RASGRF1: variants seen among roughly 807,000 people sequenced by gnomAD.
RASGRF1 encodes the protein Ras protein specific guanine nucleotide releasing factor 1.
Under a neutral mutation model 138.7 loss-of-function variants are expected in RASGRF1, and 40 were observed. That is an observed-to-expected ratio of 0.29 (90% CI 0.22 to 0.38). RASGRF1 has a LOEUF of 0.38. Ranked by LOEUF, RASGRF1 falls within the 10% of genes least tolerant of loss-of-function variation. RASGRF1 has a pLI of 1.00. For synonymous variants in RASGRF1, 614 were observed against 663.2 expected (o/e 0.93, Z 1.14); for missense variants, 1,108 against 1,650.4 (o/e 0.67, Z 5.69).
intron 1 of RASGRF1, among the ~76,000 whole-genome samples, chr15:79,077,244 C>T (rs1052101275): frequency 3.3e-5 from 5 of 152,118 alleles, no homozygotes; most frequent in Admixed American, 3.3e-4. Context: ...GTCATCAGAC[C>T]TGGGTTCAAA....
chr15:78,964,417 C>T (rs1005493059), intron 26 of RASGRF1, among the ~76,000 whole-genome samples: 13 of 152,156 alleles, frequency 8.5e-5, no homozygotes, highest in South Asian at 2.1e-4. Context: ...TCAGGTGATC[C>T]GCCTGCCTCG....
chr15:78,972,303 C>T (rs559043890), intron 25 of RASGRF1, among the ~76,000 whole-genome samples: 130 of 152,108 alleles, frequency 8.5e-4, no homozygotes, highest in Non-Finnish European at 1.9e-4. Flanking sequence ...ACCATGTTGA[C>T]CAGGCTGGTC....
At chr15:78,963,881 C>T (rs1211903821) in intron 26 of RASGRF1, among the ~76,000 whole-genome samples, 1 of 152,106 alleles carries the variant, frequency 6.6e-6, no homozygotes, top group African/African-American at 2.4e-5. Flanking sequence ...GTCTTTTATA[C>T]CTAGATAGTA....
chr15:79,039,167 G>A (rs1310100736), intron 5 of RASGRF1, among the ~76,000 whole-genome samples: 1 of 151,834 alleles, frequency 6.6e-6, no homozygotes, highest in Non-Finnish European at 1.5e-5. Flanking sequence ...CAGGAATGGT[G>A]GTGCACACTG....
At chr15:78,970,621 C>CAAAAAAAAAAAAAAAAAAAAAAAAAAAA (rs55689628) in intron 26 of RASGRF1, among the ~76,000 whole-genome samples, 1 of 57,902 alleles carries the variant, frequency 1.7e-5, no homozygotes, top group Non-Finnish European at 3.5e-5. Flanking sequence ...GACTCTGTCT[C>CAAAAAAAAAAAAAAAAAAAAAAAAAAAA]AAAAAAAAAA....
chr15:79,035,074 G>T, intron 6 of RASGRF1, 57 bp downstream of exon 6: 1 of 1,454,040 alleles, frequency 6.9e-7, no homozygotes, highest in Non-Finnish European at 9.4e-7. Context: ...CCAGGCTTTT[G>T]GGGTGGCCCC....
At chr15:78,991,241 T>C (rs1357661732) in intron 21 of RASGRF1, among the ~76,000 whole-genome samples, 1 of 152,188 alleles carries the variant, frequency 6.6e-6, no homozygotes, top group Non-Finnish European at 1.5e-5. Flanking sequence ...GTAGAATAAT[T>C]GCAGTGAACA....
Position 78,971,952 on chromosome 15 carries a change from T to G in RASGRF1, c.3613-18A>C. ...TGGGATATCTGTGGGAAGGAAGGAG[T>G]GTTTCAGAATGCAGTTTGCTCTCCT... On this transcript the variant is annotated intron_variant, in intron 25 of 26. Transcript: ENST00000558480. 2 of 1,554,824 alleles carry G rather than the reference T, an allele frequency of 1.3e-6. No homozygotes were observed. The highest frequency in any genetic ancestry group is 1.1e-5 in the South Asian group (1 of 89,838).
At chr15:79,026,960 T>C (rs1193626507) in intron 9 of RASGRF1, among the ~76,000 whole-genome samples, 1 of 152,082 alleles carries the variant, frequency 6.6e-6, no homozygotes, top group East Asian at 1.9e-4. Context: ...GGTGATACCC[T>C]TGTCCAAGGC....
intron 5 of RASGRF1, among the ~76,000 whole-genome samples, chr15:79,045,689 C>G (rs1040482589): frequency 6.6e-6 from 1 of 152,232 alleles, no homozygotes; most frequent in Non-Finnish European, 1.5e-5. Context: ...ACCTGAGCCT[C>G]AGACTCATGT....
intron 16 of RASGRF1, among the ~76,000 whole-genome samples, chr15:79,000,406 C>CA (rs1316083433): frequency 6.6e-6 from 1 of 152,108 alleles, no homozygotes; most frequent in Non-Finnish European, 1.5e-5. Context: ...TGAAATTCTC[C>CA]CCTACCCCCT....
chr15:79,055,685 A>G (rs2057501646), intron 3 of RASGRF1, among the ~76,000 whole-genome samples: 1 of 151,956 alleles, frequency 6.6e-6, no homozygotes, highest in Admixed American at 6.6e-5. Flanking sequence ...CTGACCTACA[A>G]TGCCCTGACA....
intron 17 of RASGRF1, 143 bp from the exon 18 acceptor site, chr15:78,998,968 C>T (rs2056455775): frequency 1.5e-6 from 1 of 652,796 alleles, no homozygotes; most frequent in Admixed American, 2.1e-5. Flanking sequence ...ACATGTTTAA[C>T]AACTAGTGTC....
chr15:78,997,504 G>C (rs769054158), intron 19 of RASGRF1, among the ~76,000 whole-genome samples: 23 of 152,118 alleles, frequency 1.5e-4, no homozygotes, highest in Admixed American at 2.6e-4. Context: ...AGGCCGAGGT[G>C]GGCAGATCGC....
intron 1 of RASGRF1, 84 bp downstream of exon 1, chr15:79,090,139 A>T (rs1286772601): frequency 6.9e-6 from 10 of 1,445,052 alleles, no homozygotes; most frequent in Non-Finnish European, 8.2e-6. Flanking sequence ...GCCAAAGTTC[A>T]AGCGCCATCA....
chr15:79,035,123 C>T lies in RASGRF1; in HGVS notation c.958+8G>A. 4 of 1,608,778 alleles carry T rather than the reference C, an allele frequency of 2.5e-6. No homozygotes were observed. The highest frequency in any genetic ancestry group is 3.4e-6 in the Non-Finnish European group (4 of 1,175,766). Reference sequence around the variant, plus strand: ...CTCTGGGGGCCGCAGTGAGGGCTGACTACTCACCCAGGACCAGCGTGGGCC... The same window carrying T: ...CTCTGGGGGCCGCAGTGAGGGCTGATTACTCACCCAGGACCAGCGTGGGCC... On this transcript the variant is annotated splice_region_variant and intron_variant, in intron 6 of 26. Transcript: ENST00000558480.
intron 20 of RASGRF1, among the ~76,000 whole-genome samples, 162 bp downstream of exon 20, chr15:78,995,578 T>G (rs2056374111): frequency 6.6e-6 from 1 of 152,238 alleles, no homozygotes; most frequent in Non-Finnish European, 1.5e-5. Context: ...CATGAGCCAC[T>G]GCGCTCAGCC....
In RASGRF1 at chr15:79,004,185, G is replaced by T; in HGVS notation, c.2076-10C>A. 1 of 1,552,174 alleles carries T rather than the reference G, an allele frequency of 6.4e-7. No homozygotes were observed. On this transcript the variant is annotated splice_polypyrimidine_tract_variant and intron_variant, in intron 14 of 26. Transcript: ENST00000558480. ...CAGGAGCTCCAGCGACCTGTGGGGA[G>T]GGCGGGGGTGAAAATGACAGTTAGC...
intron 2 of RASGRF1, among the ~76,000 whole-genome samples, chr15:79,063,310 C>T (rs1256417266): frequency 6.6e-6 from 1 of 152,202 alleles, no homozygotes; most frequent in Non-Finnish European, 1.5e-5. Context: ...GAGGAAAGAA[C>T]TAGAGATGGC....
Sources: gnomAD v4.1 joint callset for allele counts (sites outside exome capture counted in the v4.1 genomes callset) on GRCh38, gnomAD v4.1.1 for gene constraint, MANE v1.5 for transcripts, NCBI Gene and HGNC (gene_info 2026-07-23, HGNC 2026-07-21) for gene names.